SLC20A1: variants seen among roughly 807,000 people sequenced by gnomAD.
SLC20A1 encodes solute carrier family 20 member 1, also known as sodium-dependent phosphate transporter 1.
In SLC20A1, 28 loss-of-function variants were observed where a neutral mutation model predicts 62.7. The ratio of observed to expected loss-of-function variants is 0.45; its 90% CI spans 0.33 to 0.61. SLC20A1 has a LOEUF of 0.61. SLC20A1 is among the 20% of genes least tolerant of loss of function. The probability of loss-of-function intolerance (pLI) is 0.02; values close to 1 mark genes in which losing one functional copy is unlikely to be tolerated. For missense variants in SLC20A1, 673 were observed against 838.6 expected (o/e 0.80, Z 2.44); for synonymous variants, 305 against 302.9 (o/e 1.01, Z -0.07).
intron 9 of SLC20A1, chr2:112,660,814 T>C (rs978079164): frequency 1.9e-6 from 1 of 515,946 alleles, no homozygotes; most frequent in African/African-American, 2.0e-5. Flanking sequence ...CTGTGTATGC[T>C]AAGAGCGGAT....
intron 9 of SLC20A1, chr2:112,660,851 T>TTTA (rs2104651164): frequency 4.2e-6 from 2 of 474,666 alleles, no homozygotes; most frequent in Non-Finnish European, 7.5e-6. Context: ...CTTTTATTTG[T>TTTA]CTTGGGAGCT....
At chr2:112,653,550 T>G (rs1210932947) in intron 5 of SLC20A1, among the ~76,000 whole-genome samples, 1 of 152,208 alleles carries the variant, frequency 6.6e-6, no homozygotes, top group African/African-American at 2.4e-5. Context: ...ACCCACTGGA[T>G]GAAATACAGG....
At chr2:112,657,972 A>G (rs997078680) in intron 6 of SLC20A1, among the ~76,000 whole-genome samples, 1 of 152,056 alleles carries the variant, frequency 6.6e-6, no homozygotes, top group Admixed American at 6.6e-5. Context: ...TGGGTTAGCA[A>G]GTTGAAGTTT....
chr2:112,656,631 A>G lies in SLC20A1; in HGVS notation c.659-491A>G, dbSNP rs147673234. Among the ~76,000 whole-genome samples, 279 of 151,726 alleles carry G rather than the reference A, an allele frequency of 1.8e-3. 1 individual carries two copies. The highest frequency in any genetic ancestry group is 7.9e-3 in the East Asian group (41 of 5,196). ...TTAAAGCATTTTACTAAAGGCCAGT[A>G]TAGTGAATGTAATCACTTTTACACA... is the stretch of plus-strand genomic sequence containing the variant. On this transcript the variant is annotated intron_variant, in intron 5 of 10. Coordinates refer to ENST00000272542, the MANE Select transcript of SLC20A1 (RefSeq NM_005415.5).
chr2:112,646,887 A>G lies in SLC20A1; in HGVS notation c.59A>G (p.Asp20Gly), dbSNP rs1425129478. ...ACCGCCGCTTCTGGTCCTTTGGTGG[A>G]CTACCTATGGATGCTCATCCTGGGC... ...AATAASGPLV[D>G]YLWMLILGFI... Residue 20 changes from aspartate (D) to glycine (G), a missense_variant, in exon 2 of 11, where the codon GAC (aspartate) becomes GGC (glycine). Physicochemically the swap from Asp to Gly is moderately conservative, Grantham distance 94. Transcript: ENST00000272542. The G allele has an allele frequency of 2.5e-6, 4 of 1,613,618 alleles. No homozygotes were observed. Among genetic ancestry groups the G allele is most frequent in the Non-Finnish European group, 3.4e-6 (4 of 1,179,852 alleles).
intron 5 of SLC20A1, among the ~76,000 whole-genome samples, chr2:112,653,516 G>T (rs1686495687): frequency 6.6e-6 from 1 of 152,212 alleles, no homozygotes; most frequent in South Asian, 2.1e-4. Flanking sequence ...TACATAGGCA[G>T]TGACTTTTAT....
Position 112,647,164 on chromosome 2 carries a change from T to C in SLC20A1, c.334+2T>C. On this transcript the variant is annotated splice_donor_variant, in intron 2 of 10. Transcript: ENST00000272542. LOFTEE classifies it high-confidence loss of function. ...CCGGCTCAGTCAGTGCTATGTTTGG[T>C]AAGTTCTTTTTATGTTTTGTCCTCT... 1 of 1,609,534 alleles carries C rather than the reference T, an allele frequency of 6.2e-7. No homozygotes were observed. The highest frequency in any genetic ancestry group is 8.5e-7 in the Non-Finnish European group (1 of 1,176,634).
In SLC20A1 at chr2:112,646,665, G is replaced by T; in HGVS notation, c.-164G>T. The T allele has an allele frequency of 3.5e-6, 1 of 282,360 alleles. No individual in the cohort carries two copies. The highest frequency in any genetic ancestry group is 6.3e-6 in the Non-Finnish European group (1 of 159,304). 17.5% of individuals were successfully genotyped at this position (282,360 alleles called of 1,614,324 possible). A position where few individuals can be genotyped will look rare whatever the true frequency, so the allele number is the denominator to read the frequency against. ...CAGACAACAGATGCCCATACGCAGC[G>T]TATAGCAGTAACTCCCCAGCTCGGT... On this transcript the variant is annotated 5_prime_UTR_variant, in exon 2 of 11. Coordinates refer to ENST00000272542, the MANE Select transcript of SLC20A1 (RefSeq NM_005415.5).
rs769004651 is a variant in SLC20A1 at position 112,662,890 on chromosome 2, G to C, written c.1905G>C (p.Trp635Cys). The change falls in exon 11 of 11, where the codon TGG (tryptophan) becomes TGC (cysteine). Residue 635 changes from tryptophan (W) to cysteine (C), a missense_variant. Physicochemically the swap from Trp to Cys is radical, Grantham distance 215. Transcript: ENST00000272542. ...TGGGCTCTGTTGTGTCTGTTGGCTG[G>C]CTCCGGTCCAAGAAGGCTGTTGACT... The part of the protein sequence containing the change: ...CKVGSVVSVG[W>C]LRSKKAVDWR... 9.7e-5 allele frequency: 156 copies of C among 1,613,938 alleles called. No homozygotes were observed. The highest frequency in any genetic ancestry group is 1.3e-4 in the Non-Finnish European group (152 of 1,180,010).
In SLC20A1 at chr2:112,663,238, C is replaced by A; in HGVS notation, c.*213C>A. The A allele has an allele frequency of 1.6e-6, 1 of 641,148 alleles. No homozygotes were observed. 39.7% of individuals were successfully genotyped at this position (641,148 alleles called of 1,614,324 possible). ...TGTAAAATAGCCCGGGTTCCACTGG[C>A]TCCTGCTGAGGTCCCCTTTCCTTCT... On this transcript the variant is annotated 3_prime_UTR_variant, in exon 11 of 11. Coordinates refer to ENST00000272542, the MANE Select transcript of SLC20A1 (RefSeq NM_005415.5).
chr2:112,658,109 AAC>A (rs1428396475), intron 6 of SLC20A1, among the ~76,000 whole-genome samples: 1 of 151,864 alleles, frequency 6.6e-6, no homozygotes, highest in Non-Finnish European at 1.5e-5. Flanking sequence ...GCACGGTGGG[AAC>A]CAGGCTTTCA....
intron 4 of SLC20A1, among the ~76,000 whole-genome samples, chr2:112,650,690 T>G (rs934089570): frequency 1.3e-5 from 2 of 151,596 alleles, no homozygotes; most frequent in African/African-American, 4.9e-5. Flanking sequence ...GTGACTTAAT[T>G]GTAGCTCACT....
intron 10 of SLC20A1, among the ~76,000 whole-genome samples, chr2:112,661,483 A>G (rs1457121595): frequency 6.7e-6 from 1 of 150,180 alleles, no homozygotes; most frequent in East Asian, 2.0e-4. Context: ...ATCCTCCCTC[A>G]TTGTAGTCTC....
chr2:112,657,510 T>A (rs537904755), intron 6 of SLC20A1, among the ~76,000 whole-genome samples: 2 of 152,330 alleles, frequency 1.3e-5, no homozygotes, highest in East Asian at 3.9e-4. Flanking sequence ...GCATTGAATT[T>A]TTTTATGTTC....
Position 112,659,556 on chromosome 2 carries a change from C to T in SLC20A1, c.1401C>T (p.Tyr467=), listed in dbSNP as rs1686693238. The change falls in exon 8 of 11, where the codon TAC becomes TAT. Residue 467 remains tyrosine, a synonymous_variant. Coordinates refer to ENST00000272542, the MANE Select transcript of SLC20A1 (RefSeq NM_005415.5). ...KRIRMDSYTS[Y]CNAVSDLHSA... is the part of the protein sequence containing the mutation. Reference sequence around the variant, plus strand: ...TTCGAATGGACAGTTACACCAGTTACTGCAATGCTGTGTCTGACCTTCACT... The same window carrying T: ...TTCGAATGGACAGTTACACCAGTTATTGCAATGCTGTGTCTGACCTTCACT... 2.5e-6 allele frequency: 4 copies of T among 1,614,128 alleles called. No homozygotes were observed. The highest frequency in any genetic ancestry group is 2.5e-6 in the Non-Finnish European group (3 of 1,180,066).
rs1400629374 is a variant in SLC20A1 at position 112,652,608 on chromosome 2, A to G, written c.562-94A>G. The G allele has an allele frequency of 4.3e-6, 4 of 940,760 alleles. No homozygotes were observed. The Admixed American group carries it at 7.6e-5, about 18-fold the overall frequency. The allele number at this position is 940,760 out of a possible 1,614,324, so 58.3% of individuals were successfully genotyped here. ...AACTACTCTGGAGAGAGTTATTGGC[A>G]CTATAATTCCCAAACCTACCCTGTT... On this transcript the variant is annotated intron_variant, in intron 4 of 10. Coordinates refer to ENST00000272542, the MANE Select transcript of SLC20A1 (RefSeq NM_005415.5).
intron 5 of SLC20A1, among the ~76,000 whole-genome samples, chr2:112,653,875 C>T (rs1686511444): frequency 6.6e-6 from 1 of 152,180 alleles, no homozygotes; most frequent in African/African-American, 2.4e-5. Flanking sequence ...TCACCACAAC[C>T]TCTACCTCCC....
chr2:112,652,626 A>T (rs1686473278), intron 4 of SLC20A1, 76 bp from the exon 5 acceptor site: 6 of 1,176,338 alleles, frequency 5.1e-6, no homozygotes, highest in Non-Finnish European at 7.6e-6. Flanking sequence ...TCCCAAACCT[A>T]CCCTGTTAAA....
Position 112,660,575 on chromosome 2 carries a change from A to G in SLC20A1, c.1793+3A>G, listed in dbSNP as rs1686721249. ...CTGACACCGATCACACCCTCTAGGT[A>G]AGTAGGTGGAGCAGGTTCTACAAAT... is the stretch of plus-strand genomic sequence containing the variant. On this transcript the variant is annotated splice_donor_region_variant and intron_variant, in intron 9 of 10. Coordinates refer to ENST00000272542, the MANE Select transcript of SLC20A1 (RefSeq NM_005415.5). 1 of 1,611,254 alleles carries G rather than the reference A, an allele frequency of 6.2e-7. No individual in the cohort carries two copies. Among genetic ancestry groups the G allele is most frequent in the South Asian group, 1.1e-5 (1 of 90,444 alleles).
Sources: allele counts gnomAD v4.1 joint callset (sites outside exome capture counted in the v4.1 genomes callset), GRCh38; gene constraint gnomAD v4.1.1; transcripts MANE v1.5; gene names NCBI Gene and HGNC (gene_info 2026-07-23, HGNC 2026-07-21).